PNPLA2: variants seen among roughly 807,000 people sequenced by gnomAD.
PNPLA2 encodes the protein patatin like domain 2, triacylglycerol lipase.
A neutral mutation model predicts 39.7 loss-of-function variants in PNPLA2; 28 were observed. The ratio of observed to expected loss-of-function variants is 0.70; its 90% CI spans 0.52 to 0.97. The LOEUF is 0.97. PNPLA2 is among the 50% of genes least tolerant of loss of function. PNPLA2 has a pLI of 0.00. For synonymous variants in PNPLA2, 392 were observed against 321.1 expected (o/e 1.22, Z -2.36); for missense variants, 768 against 698.2 (o/e 1.10, Z -1.13).
chr11:822,075 G>T (rs776218730), intron 4 of PNPLA2, 52 bp downstream of exon 4: 1 of 1,528,124 alleles, frequency 6.5e-7, no homozygotes, highest in African/African-American at 1.4e-5. Context: ...GTGGGATGAG[G>T]GACAGAGGAG....
At position 824,308 on chromosome 11, in the gene PNPLA2, C is replaced by A. The variant is rs1225641810; in HGVS notation, c.1053-6C>A. On this transcript the variant is annotated splice_polypyrimidine_tract_variant and splice_region_variant and intron_variant, in intron 8 of 9. Coordinates refer to ENST00000336615, the MANE Select transcript of PNPLA2 (RefSeq NM_020376.4). ...TCCCTGAACGCGCCGCTCGCCCTGT[C>A]CCCAGCTTGCTGGAGTGGCTGCCCG... The A allele has an allele frequency of 6.4e-7, 1 of 1,551,004 alleles. No homozygotes were observed. Among genetic ancestry groups the A allele is most frequent in the Non-Finnish European group, 8.7e-7 (1 of 1,147,668 alleles).
chr11:819,529 G>T, intron 1 of PNPLA2, 45 bp from the exon 2 acceptor site: 1 of 1,267,294 alleles, frequency 7.9e-7, no homozygotes, highest in Non-Finnish European at 9.9e-7. Context: ...CGCCCCCGCC[G>T]TGAGTCCCAC....
rs779616635 is a variant in PNPLA2 at position 822,548 on chromosome 11, A to G, written c.638A>G (p.Gln213Arg). The G allele has an allele frequency of 6.2e-7, 1 of 1,614,062 alleles. No individual in the cohort carries two copies. The highest frequency in any genetic ancestry group is 8.5e-7 in the Non-Finnish European group (1 of 1,180,016). The change falls in exon 5 of 10, where the codon CAG becomes CGG. Residue 213 changes from glutamine (Q) to arginine (R), a missense_variant. Gln to Arg is a conservative substitution (Grantham distance 43, BLOSUM62 1). Transcript: ENST00000336615. The stretch of plus-strand genomic sequence containing the variant: ...CTGCGGGTCACCAACACCAGCATCC[A>G]GTTCAACCTGCGCAACCTCTACCGC... ...HELRVTNTSI[Q>R]FNLRNLYRLS... is the part of the protein sequence containing the mutation.
Position 819,790 on chromosome 11 carries a change from C to T in PNPLA2, c.72C>T (p.Gly24=), listed in dbSNP as rs141027293. Residue 24 remains glycine, a synonymous_variant, in exon 2 of 10, where the codon GGC becomes GGT. Transcript: ENST00000336615. ...GCTTCCTCGGCGTCTACTACGTCGGCGTGGCCTCCTGCCTCCGCGAGCACG... is the reference window on the plus strand; with the variant it reads ...GCTTCCTCGGCGTCTACTACGTCGGTGTGGCCTCCTGCCTCCGCGAGCACG... ...GCGFLGVYYV[G]VASCLREHAP... 67 of 1,514,200 alleles carry T rather than the reference C, an allele frequency of 4.4e-5. 1 individual carries two copies. In the African/African-American group the frequency reaches 9.1e-4, roughly 21 times the overall value. The allele number at this position is 1,514,200 out of a possible 1,614,324, so 93.8% of individuals were successfully genotyped here. A position where few individuals can be genotyped will look rare whatever the true frequency, so the allele number is the denominator to read the frequency against.
At position 819,700 on chromosome 11, in the gene PNPLA2, C is replaced by A. The variant is rs550469869; in HGVS notation, c.-19C>A. On this transcript the variant is annotated 5_prime_UTR_variant, in exon 2 of 10. Coordinates refer to ENST00000336615, the MANE Select transcript of PNPLA2 (RefSeq NM_020376.4). ...GCCTGGCCGCCCACGGAACCCGGGG[C>A]CCGGCGGCCGCCGCCGCGATGTTTC... is the stretch of plus-strand genomic sequence containing the variant. 3.3e-5 allele frequency: 49 copies of A among 1,476,810 alleles called. No individual in the cohort carries two copies. The East Asian group carries it at 1.3e-3, about 41-fold the overall frequency. 91.5% of individuals were successfully genotyped at this position (1,476,810 alleles called of 1,614,324 possible).
In PNPLA2 at chr11:824,309, C is replaced by T. The variant is rs1845792028; in HGVS notation, c.1053-5C>T. The T allele has an allele frequency of 6.4e-7, 1 of 1,551,056 alleles. No homozygotes were observed. The highest frequency in any genetic ancestry group is 8.7e-7 in the Non-Finnish European group (1 of 1,147,674). On this transcript the variant is annotated splice_polypyrimidine_tract_variant and splice_region_variant and intron_variant, in intron 8 of 9. Coordinates refer to ENST00000336615, the MANE Select transcript of PNPLA2 (RefSeq NM_020376.4). Reference sequence around the variant, plus strand: ...CCCTGAACGCGCCGCTCGCCCTGTCCCCAGCTTGCTGGAGTGGCTGCCCGA... The same window carrying T: ...CCCTGAACGCGCCGCTCGCCCTGTCTCCAGCTTGCTGGAGTGGCTGCCCGA...
Position 819,779 on chromosome 11 carries a change from T to C in PNPLA2, c.61T>C (p.Tyr21His), listed in dbSNP as rs1845606868. The change falls in exon 2 of 10, where the codon TAC becomes CAC. Residue 21 changes from tyrosine (Y) to histidine (H), a missense_variant. Coordinates refer to ENST00000336615, the MANE Select transcript of PNPLA2 (RefSeq NM_020376.4). ...CGCGGGCTGCGGCTTCCTCGGCGTC[T>C]ACTACGTCGGCGTGGCCTCCTGCCT... ...SFAGCGFLGV[Y>H]YVGVASCLRE... The C allele has an allele frequency of 6.6e-7, 1 of 1,517,714 alleles. No homozygotes were observed. The highest frequency in any genetic ancestry group is 8.8e-7 in the Non-Finnish European group (1 of 1,133,642). The allele number at this position is 1,517,714 out of a possible 1,614,324, so 94.0% of individuals were successfully genotyped here.
At position 819,527 on chromosome 11, in the gene PNPLA2, C is replaced by T. The variant is rs563162469; in HGVS notation, c.-145-47C>T. 170 of 1,268,030 alleles carry T rather than the reference C, an allele frequency of 1.3e-4. No individual in the cohort carries two copies. In the African/African-American group the frequency reaches 2.4e-3, roughly 18 times the overall value. 78.5% of individuals were successfully genotyped at this position (1,268,030 alleles called of 1,614,324 possible). A position where few individuals can be genotyped will look rare whatever the true frequency, so the allele number is the denominator to read the frequency against. On this transcript the variant is annotated intron_variant, in intron 1 of 9. Transcript: ENST00000336615. ...TCTTCGTGTGCCGGCCCCGCCCCCG[C>T]CGTGAGTCCCACACTTAAAAGCGCC...
At chr11:823,083 A>T (rs1172643449) in intron 5 of PNPLA2, among the ~76,000 whole-genome samples, 4 of 150,784 alleles carry the variant, frequency 2.7e-5, no homozygotes, top group African/African-American at 4.9e-5. Flanking sequence ...TTTGAGATGA[A>T]GTCTCACACT....
At chr11:819,156 A>G (rs1226249157) in intron 1 of PNPLA2, among the ~76,000 whole-genome samples, 198 bp downstream of exon 1, 3 of 152,304 alleles carry the variant, frequency 2.0e-5, no homozygotes, top group African/African-American at 7.2e-5. Context: ...TGCGGCTTTC[A>G]GGTCTGGGGG....
intron 2 of PNPLA2, among the ~76,000 whole-genome samples, chr11:820,299 G>A (rs957958996): frequency 6.6e-6 from 1 of 152,244 alleles, no homozygotes; most frequent in Admixed American, 6.5e-5. Context: ...TTCCGCAGTT[G>A]CAGGCTGCTA....
At chr11:819,498 T>C in intron 1 of PNPLA2, 76 bp from the exon 2 acceptor site, 3 of 1,200,906 alleles carry the variant, frequency 2.5e-6, no homozygotes, top group Non-Finnish European at 2.1e-6. Flanking sequence ...CGCGCCCCGA[T>C]TGGTCTTCGT....
In PNPLA2 at chr11:822,559, C is replaced by T. The variant is rs773938209; in HGVS notation, c.649C>T (p.Arg217Cys). The change falls in exon 5 of 10, where the codon CGC becomes TGC. Residue 217 changes from arginine (R) to cysteine (C), a missense_variant. By Grantham distance (180) the Arg-to-Cys change is radical. Transcript: ENST00000336615. ...VTNTSIQFNL[R>C]NLYRLSKALF... ...CAACACCAGCATCCAGTTCAACCTG[C>T]GCAACCTCTACCGCCTCTCCAAGGC... 11 of 1,614,038 alleles carry T rather than the reference C, an allele frequency of 6.8e-6. No individual in the cohort carries two copies. The highest frequency in any genetic ancestry group is 9.3e-6 in the Non-Finnish European group (11 of 1,180,022).
chr11:824,639 A>T lies in PNPLA2; in HGVS notation c.1292A>T (p.Asp431Val). Residue 431 changes from aspartate to valine, a missense_variant, in exon 10 of 10, where the codon GAC (aspartate) becomes GTC (valine). Physicochemically the swap from Asp to Val is radical, Grantham distance 152. Transcript: ENST00000336615. ...GWMRNNLSLG[D>V]ALAKWEECQR... ...ATGCGCAACAACCTCTCGCTGGGGGACGCGCTGGCCAAGTGGGAGGAGTGC... is the reference window on the plus strand; with the variant it reads ...ATGCGCAACAACCTCTCGCTGGGGGTCGCGCTGGCCAAGTGGGAGGAGTGC... 6.3e-7 allele frequency: 1 copy of T among 1,597,076 alleles called. No homozygotes were observed. Among genetic ancestry groups the T allele is most frequent in the Non-Finnish European group, 8.5e-7 (1 of 1,177,076 alleles).
Position 825,049 on chromosome 11 carries a change from C to T in PNPLA2, c.*187C>T, listed in dbSNP as rs548095979. The T allele has an allele frequency of 7.8e-6, 5 of 638,664 alleles. No homozygotes were observed. The highest frequency in any genetic ancestry group is 3.5e-5 in the South Asian group (2 of 56,638). 39.6% of individuals were successfully genotyped at this position (638,664 alleles called of 1,614,324 possible). A position where few individuals can be genotyped will look rare whatever the true frequency, so the allele number is the denominator to read the frequency against. On this transcript the variant is annotated 3_prime_UTR_variant, in exon 10 of 10. Coordinates refer to ENST00000336615, the MANE Select transcript of PNPLA2 (RefSeq NM_020376.4). ...CCTGGGCCGCTGAGGCCCCGCGCAC[C>T]TGTGCCTTAATCTTCCCTCCCCTGT...
Position 822,622 on chromosome 11 carries a change from A to G in PNPLA2, c.696+16A>G, listed in dbSNP as rs7942159. The G allele has an allele frequency of 0.56, 904,278 of 1,605,112 alleles. 261,622 individuals are homozygous for G. The highest frequency in any genetic ancestry group is 0.67 in the Admixed American group (40,075 of 59,990). ...GGAGCCCCTGGTGAGCTCTGCTCCG[A>G]GGACTGTGGCCTTCCCAGCCACTCC... On this transcript the variant is annotated intron_variant, in intron 5 of 9. Transcript: ENST00000336615.
intron 2 of PNPLA2, 101 bp downstream of exon 2, chr11:820,006 G>A: frequency 5.5e-6 from 5 of 907,306 alleles, no homozygotes; most frequent in Non-Finnish European, 7.5e-6. Context: ...CGAGTCGGTG[G>A]GTACCGTGGG....
Position 824,296 on chromosome 11 carries a change from C to T in PNPLA2, c.1053-18C>T, listed in dbSNP as rs1306298010. ...GGTCTGGCCAAGTCCCTGAACGCGC[C>T]GCTCGCCCTGTCCCCAGCTTGCTGG... On this transcript the variant is annotated intron_variant, in intron 8 of 9. Coordinates refer to ENST00000336615, the MANE Select transcript of PNPLA2 (RefSeq NM_020376.4). The T allele has an allele frequency of 7.7e-6, 12 of 1,550,170 alleles. No individual in the cohort carries two copies. Among genetic ancestry groups the T allele is most frequent in the African/African-American group, 2.7e-5 (2 of 73,306 alleles).
chr11:823,232 T>C (rs1845728826), intron 5 of PNPLA2, among the ~76,000 whole-genome samples: 1 of 151,882 alleles, frequency 6.6e-6, no homozygotes, highest in Non-Finnish European at 1.5e-5. Flanking sequence ...TAATTTTTTG[T>C]ATTTTTAGTA....
Sources: allele counts gnomAD v4.1 joint callset (sites outside exome capture counted in the v4.1 genomes callset), GRCh38; gene constraint gnomAD v4.1.1; transcripts MANE v1.5; gene names NCBI Gene and HGNC (gene_info 2026-07-23, HGNC 2026-07-21).